Variants in SNTG2 observed in about 807,000 individuals in gnomAD.
The protein encoded by SNTG2 is syntrophin gamma 2, also known as gamma-2-syntrophin.
Under a neutral mutation model 70.9 loss-of-function variants are expected in SNTG2, and 74 were observed. That is an observed-to-expected ratio of 1.04 (90% CI 0.86 to 1.27). The LOEUF is 1.27. Among genes scored for constraint, SNTG2 ranks in the 50% most tolerant of loss-of-function variants. The pLI, the probability that SNTG2 is intolerant of heterozygous loss-of-function variation, is 0.00. For missense variants in SNTG2, 717 were observed against 690.7 expected (o/e 1.04, Z -0.43); for synonymous variants, 278 against 273.8 (o/e 1.02, Z -0.15).
chr2:1,066,422 G>A (rs962803767), intron 1 of SNTG2, among the ~76,000 whole-genome samples: 7 of 152,124 alleles, frequency 4.6e-5, no homozygotes, highest in Non-Finnish European at 1.0e-4. Context: ...GGCTGCAGGC[G>A]TTGAGTTCTC....
intron 16 of SNTG2, among the ~76,000 whole-genome samples, chr2:1,355,528 C>CT (rs1265651054): frequency 3.3e-5 from 5 of 152,154 alleles, no homozygotes; most frequent in Admixed American, 6.5e-5. Flanking sequence ...ACAGTGTATC[C>CT]TTTTTTAAGG....
chr2:1,169,604 G>C (rs1670988048), intron 7 of SNTG2, among the ~76,000 whole-genome samples: 1 of 152,150 alleles, frequency 6.6e-6, no homozygotes. Context: ...GCCGGAGGCT[G>C]TCTCTGTTGA....
chr2:965,554 G>C (rs1395576033), intron 1 of SNTG2, among the ~76,000 whole-genome samples: 4 of 149,264 alleles, frequency 2.7e-5, no homozygotes, highest in African/African-American at 1.0e-4. Flanking sequence ...TTGACCCCCT[G>C]GTCCTCTTCT....
At chr2:1,300,538 C>A (rs955213391) in intron 14 of SNTG2, among the ~76,000 whole-genome samples, 2 of 152,158 alleles carry the variant, frequency 1.3e-5, no homozygotes, top group Non-Finnish European at 2.9e-5. Flanking sequence ...CCGGCCCCTG[C>A]TTGTAAGGTG....
intron 14 of SNTG2, among the ~76,000 whole-genome samples, chr2:1,276,018 A>G (rs535268567): frequency 2.6e-5 from 4 of 152,370 alleles, no homozygotes; most frequent in South Asian, 4.1e-4. Flanking sequence ...GCTCTCTTCA[A>G]TTCTATGAAG....
chr2:1,069,588 C>G (rs955738183), intron 1 of SNTG2, among the ~76,000 whole-genome samples: 4 of 151,602 alleles, frequency 2.6e-5, no homozygotes, highest in Non-Finnish European at 5.9e-5. Context: ...GTCAAGAGAT[C>G]GAGATCATCC....
At chr2:1,061,397 T>C (rs138211446) in intron 1 of SNTG2, among the ~76,000 whole-genome samples, 1 of 152,364 alleles carries the variant, frequency 6.6e-6, no homozygotes, top group African/African-American at 2.4e-5. Flanking sequence ...GCAGAAGTGC[T>C]GATTGCCTTT....
chr2:1,268,546 T>C lies in SNTG2; in HGVS notation c.1284+975T>C, dbSNP rs535959430. On this transcript the variant is annotated intron_variant, in intron 14 of 16. Coordinates refer to ENST00000308624, the MANE Select transcript of SNTG2 (RefSeq NM_018968.4). ...TTTATTCTCATTTATCCCAGGCTGC[T>C]GTGATTTTCCCCTCAAATTGGGCAC... Among the ~76,000 whole-genome samples the C allele has an allele frequency of 9.8e-5, 15 of 152,338 alleles. No homozygotes were observed. The East Asian group carries it at 2.9e-3, about 29-fold the overall frequency.
chr2:1,064,063 C>T (rs548718433), intron 1 of SNTG2, among the ~76,000 whole-genome samples: 4 of 152,070 alleles, frequency 2.6e-5, no homozygotes, highest in Non-Finnish European at 4.4e-5. Flanking sequence ...AAAATACTTA[C>T]GTAGAAATAA....
chr2:1,011,237 G>A (rs113364929), intron 1 of SNTG2, among the ~76,000 whole-genome samples: 4 of 152,236 alleles, frequency 2.6e-5, no homozygotes, highest in African/African-American at 9.6e-5. Context: ...GCAGGGCGGA[G>A]CCACATAGGC....
chr2:1,285,429 G>C (rs895083456), intron 14 of SNTG2, among the ~76,000 whole-genome samples: 2 of 151,996 alleles, frequency 1.3e-5, no homozygotes, highest in African/African-American at 4.8e-5. Flanking sequence ...TTCAAATAAA[G>C]ACAATCATGT....
At chr2:1,007,227 C>T (rs963807519) in intron 1 of SNTG2, among the ~76,000 whole-genome samples, 2 of 151,998 alleles carry the variant, frequency 1.3e-5, no homozygotes, top group African/African-American at 4.8e-5. Flanking sequence ...TCACACACAC[C>T]CTAGTGAGAA....
At chr2:1,084,401 C>T (rs1366582841) in intron 2 of SNTG2, among the ~76,000 whole-genome samples, 1 of 152,202 alleles carries the variant, frequency 6.6e-6, no homozygotes, top group East Asian at 1.9e-4. Flanking sequence ...ACAAGTGGCT[C>T]CTGTGAACAT....
In SNTG2 at chr2:1,222,059, CTCTGTTTCTCTCTGTCTCTGTCTCTG is replaced by C. The variant is rs1675135429; in HGVS notation, c.719+12833_719+12858del. 8.0e-4 allele frequency among the ~76,000 whole-genome samples: 61 copies of C among 76,030 alleles called. 17 individuals are homozygous for C. The highest frequency in any genetic ancestry group is 1.4e-3 in the Non-Finnish European group (49 of 34,988). 49.9% of individuals were successfully genotyped at this position (76,030 alleles called of 152,430 possible). A position where few individuals can be genotyped will look rare whatever the true frequency, so the allele number is the denominator to read the frequency against. ...TCTGTCTCTCTCTGTCTCTCTCTGT[CTCTGTTTCTCTCTGTCTCTGTCTCTG>C]TCTCTCTCTGTCTCTCTCTGTCTCT... On this transcript the variant is annotated intron_variant, in intron 9 of 16. Transcript: ENST00000308624.
At chr2:1,128,548 C>T (rs1168840944) in intron 4 of SNTG2, among the ~76,000 whole-genome samples, 1 of 152,102 alleles carries the variant, frequency 6.6e-6, no homozygotes, top group African/African-American at 2.4e-5. Context: ...TCCATCAACA[C>T]AAAATGCACA....
intron 1 of SNTG2, among the ~76,000 whole-genome samples, chr2:1,017,202 C>T (rs1659922597): frequency 6.6e-6 from 1 of 152,036 alleles, no homozygotes; most frequent in African/African-American, 2.4e-5. Context: ...CTCTGTCAGT[C>T]TTATGATCTC....
chr2:1,237,939 C>T lies in SNTG2; in HGVS notation c.771C>T (p.Leu257=), dbSNP rs773958917. The T allele has an allele frequency of 3.1e-6, 5 of 1,607,996 alleles. No individual in the cohort carries two copies. The South Asian group carries it at 5.6e-5, about 18-fold the overall frequency. The change falls in exon 10 of 17, where the codon CTC becomes CTT. Residue 257 remains leucine (L), a synonymous_variant. Coordinates refer to ENST00000308624, the MANE Select transcript of SNTG2 (RefSeq NM_018968.4). ...TGGACGGAGTCAGCTCTGGGATCCT[C>T]CGGTTTTACACAGCCCAGGATGGCA... The part of the protein sequence containing the change: ...LALDGVSSGI[L]RFYTAQDGTD...
At chr2:1,104,217 G>A (rs1411606427) in intron 4 of SNTG2, among the ~76,000 whole-genome samples, 3 of 152,196 alleles carry the variant, frequency 2.0e-5, no homozygotes, top group Non-Finnish European at 4.4e-5. Flanking sequence ...AAGAACCAGT[G>A]CAATGTGGTT....
At position 1,219,634 on chromosome 2, in the gene SNTG2, T is replaced by C. The variant is rs369049460; in HGVS notation, c.719+10404T>C. 3.5e-4 allele frequency among the ~76,000 whole-genome samples: 53 copies of C among 150,250 alleles called. 1 individual carries two copies. The East Asian group carries it at 9.1e-3, about 26-fold the overall frequency. On this transcript the variant is annotated intron_variant, in intron 9 of 16. Transcript: ENST00000308624. ...TGTTTTAGGCAGGCCTCAAATTGAT[T>C]AAAAGTAATTGACTTTCTTTTTTTT...
Sources: gnomAD v4.1 joint callset for allele counts (sites outside exome capture counted in the v4.1 genomes callset) on GRCh38, gnomAD v4.1.1 for gene constraint, MANE v1.5 for transcripts, NCBI Gene and HGNC (gene_info 2026-07-23, HGNC 2026-07-21) for gene names.